PARP14: variants seen among roughly 807,000 people sequenced by gnomAD.
PARP14 encodes the protein poly(ADP-ribose) polymerase family member 14, also known as protein mono-ADP-ribosyltransferase PARP14.
Under a neutral mutation model 154.2 loss-of-function variants are expected in PARP14, and 59 were observed. The observed-to-expected ratio is 0.38, with a 90% CI of 0.31 to 0.48. The LOEUF is 0.48. Ranked by LOEUF, PARP14 falls within the 20% of genes least tolerant of loss-of-function variation. PARP14 has a pLI of 0.98. For missense variants in PARP14, 1,734 were observed against 2,131.6 expected, an observed-to-expected ratio of 0.81 and a Z score of 3.67; for synonymous variants, 720 against 780.5, an observed-to-expected ratio of 0.92 and a Z score of 1.29.
chr3:122,712,559 CT>C (rs987062537), intron 9 of PARP14, among the ~76,000 whole-genome samples: 45 of 138,868 alleles, frequency 3.2e-4, no homozygotes, highest in Admixed American at 3.6e-4. Context: ...GGATTGACAT[CT>C]TTTTTTTTTT....
intron 1 of PARP14, 93 bp from the exon 2 acceptor site, chr3:122,685,092 T>C (rs1415801736): frequency 2.2e-6 from 3 of 1,393,586 alleles, no homozygotes; most frequent in African/African-American, 2.8e-5. Context: ...AAGCCATTGA[T>C]TGATGGTAAT....
At position 122,701,026 on chromosome 3, in the gene PARP14, T is replaced by C. The variant is rs1236164701; in HGVS notation, c.2472T>C (p.Asn824=). The part of the protein sequence containing the change: ...LPVDVVVNAS[N]EDLKHYGGLA... The stretch of plus-strand genomic sequence containing the variant: ...TCGATGTGGTGGTGAATGCATCTAA[T>C]GAGGACCTTAAGCATTATGGTGGCC... The change falls in exon 6 of 17, where the codon AAT becomes AAC. Residue 824 remains asparagine (N), a synonymous_variant. Transcript: ENST00000474629. The surrounding 1 kb of genome is among the most constrained non-coding windows in gnomAD (Gnocchi z 4.0). The C allele has an allele frequency of 1.3e-5, 21 of 1,613,892 alleles. No individual in the cohort carries two copies. The highest frequency in any genetic ancestry group is 1.7e-5 in the Non-Finnish European group (20 of 1,179,882).
Position 122,700,584 on chromosome 3 carries a change from T to C in PARP14, c.2030T>C (p.Val677Ala). The change falls in exon 6 of 17, where the codon GTA becomes GCA. Residue 677 changes from valine (V) to alanine (A), a missense_variant. By Grantham distance (64) the Val-to-Ala change is moderately conservative. Transcript: ENST00000474629. ...QNMKIERLVE[V>A]KPSLVIDYLK... ...ATGAAAATAGAGAGACTGGTTGAAG[T>C]AAAGCCTTCCTTAGTTATTGACTAT... The C allele has an allele frequency of 6.3e-7, 1 of 1,596,516 alleles. No individual in the cohort carries two copies. Among genetic ancestry groups the C allele is most frequent in the Non-Finnish European group, 8.5e-7 (1 of 1,170,724 alleles).
At chr3:122,690,960 AG>A (rs1422579321) in intron 3 of PARP14, among the ~76,000 whole-genome samples, 1 of 152,152 alleles carries the variant, frequency 6.6e-6, no homozygotes, top group Non-Finnish European at 1.5e-5. Context: ...GTGGTTTCCA[AG>A]GTCACTGCAA....
intron 4 of PARP14, among the ~76,000 whole-genome samples, chr3:122,693,604 C>G (rs1290021155): frequency 6.6e-6 from 1 of 152,102 alleles, no homozygotes; most frequent in African/African-American, 2.4e-5. Flanking sequence ...TTTGGGAGGC[C>G]AAGGCAGATG....
chr3:122,689,109 C>T (rs1320783894), intron 3 of PARP14, among the ~76,000 whole-genome samples: 2 of 152,162 alleles, frequency 1.3e-5, no homozygotes, highest in Non-Finnish European at 2.9e-5. Context: ...GCCTGGACTC[C>T]TCTCTCAATT....
At position 122,680,864 on chromosome 3, in the gene PARP14, GGCGGAGA is replaced by G; in HGVS notation, c.-13_-7del. The G allele has an allele frequency of 1.9e-6, 3 of 1,580,360 alleles. 1 individual carries two copies. In the South Asian group the frequency reaches 3.4e-5, roughly 18 times the overall value. On this transcript the variant is annotated 5_prime_UTR_variant, in exon 1 of 17. Coordinates refer to ENST00000474629, the MANE Select transcript of PARP14 (RefSeq NM_017554.3). Reference sequence around the variant, plus strand: ...GGAGTTGGCGCGGCCCCTGCAGTCCGGCGGAGAGCGGAGCTGAGGATGGCTGTGCCCG... The same window carrying G: ...GGAGTTGGCGCGGCCCCTGCAGTCCGGCGGAGCTGAGGATGGCTGTGCCCG...
intron 4 of PARP14, among the ~76,000 whole-genome samples, chr3:122,693,383 A>G (rs563754477): frequency 8.4e-4 from 128 of 152,322 alleles, no homozygotes; most frequent in African/African-American, 3.0e-3. Flanking sequence ...TTAAGAGCAC[A>G]GGTCATGGAG....
chr3:122,686,777 T>C (rs1938388762), intron 2 of PARP14: 2 of 281,604 alleles, frequency 7.1e-6, no homozygotes, highest in Non-Finnish European at 1.3e-5. Context: ...TCAATAAATA[T>C]TAAACAAGGG....
intron 3 of PARP14, among the ~76,000 whole-genome samples, 185 bp downstream of exon 3, chr3:122,687,298 G>A (rs577185500): frequency 9.9e-4 from 151 of 152,300 alleles, no homozygotes; most frequent in African/African-American, 3.1e-3. Flanking sequence ...GGCTTTTAGC[G>A]CTCAGGTCAT....
In PARP14 at chr3:122,680,937, C is replaced by A. The variant is rs1048266877; in HGVS notation, c.54C>A (p.Asp18Glu). 6 of 1,612,680 alleles carry A rather than the reference C, an allele frequency of 3.7e-6. No homozygotes were observed. The East Asian group carries it at 1.1e-4, about 30-fold the overall frequency. The change falls in exon 1 of 17, where the codon GAC (aspartate) becomes GAA (glutamate). Residue 18 changes from aspartate to glutamate, a missense_variant. Physicochemically the swap from Asp to Glu is conservative, Grantham distance 45. Transcript: ENST00000474629. ...PLLVEGSWGP[D>E]PPKNLNTKLQ... Reference sequence around the variant, plus strand: ...TGGTCGAGGGCTCCTGGGGCCCCGACCCCCCGAAGAACTTGAACACCAAGT... The same window carrying A: ...TGGTCGAGGGCTCCTGGGGCCCCGAACCCCCGAAGAACTTGAACACCAAGT...
At chr3:122,716,829 A>G (rs1328003985) in intron 12 of PARP14, among the ~76,000 whole-genome samples, 1 of 152,152 alleles carries the variant, frequency 6.6e-6, no homozygotes, top group Non-Finnish European at 1.5e-5. Context: ...ACATATACCC[A>G]TTACATAGTT....
chr3:122,708,209 C>T lies in PARP14; in HGVS notation c.3560C>T (p.Ala1187Val), dbSNP rs867280720. 1 of 1,565,256 alleles carries T rather than the reference C, an allele frequency of 6.4e-7. No homozygotes were observed. The highest frequency in any genetic ancestry group is 2.3e-5 in the East Asian group (1 of 43,496). Residue 1187 changes from alanine to valine, a missense_variant, in exon 9 of 17, where the codon GCC (alanine) becomes GTC (valine). This residue lies in a region of PARP14 where 1,646 missense variants were observed against 1,976.0 expected (regional missense o/e 0.83). Transcript: ENST00000474629. ...ENIQAFSDEF[A>V]RRANGNLVSD... Reference sequence around the variant, plus strand: ...TTTCAGGCATTTTCAGATGAATTTGCCAGAAGGGCTAATGGAAATCTCGTC... The same window carrying T: ...TTTCAGGCATTTTCAGATGAATTTGTCAGAAGGGCTAATGGAAATCTCGTC...
chr3:122,716,346 C>T (rs1224097524), intron 12 of PARP14, among the ~76,000 whole-genome samples: 4 of 152,172 alleles, frequency 2.6e-5, no homozygotes, highest in Admixed American at 6.5e-5. Flanking sequence ...TGACTCTACC[C>T]TCTTCGTCAC....
intron 3 of PARP14, among the ~76,000 whole-genome samples, chr3:122,687,452 G>A (rs1938408224): frequency 6.6e-6 from 1 of 152,236 alleles, no homozygotes; most frequent in Non-Finnish European, 1.5e-5. Context: ...GACACGATAT[G>A]TCCAAGGGAG....
intron 1 of PARP14, among the ~76,000 whole-genome samples, chr3:122,682,219 T>C (rs1938231830): frequency 6.6e-6 from 1 of 152,226 alleles, no homozygotes; most frequent in Admixed American, 6.5e-5. Context: ...GTCATTTCTC[T>C]TTTGGGTGTC....
chr3:122,717,651 A>ATTTTCAT (rs934975367), intron 12 of PARP14, among the ~76,000 whole-genome samples: 2 of 152,212 alleles, frequency 1.3e-5, no homozygotes, highest in Non-Finnish European at 2.9e-5. Flanking sequence ...CCTAAAAAAG[A>ATTTTCAT]TTTTCATCTT....
rs551852492 is a variant in PARP14, at chr3:122,686,968, T to C, written c.322-112T>C. 80 of 733,512 alleles carry C rather than the reference T, an allele frequency of 1.1e-4. 1 individual carries two copies. In the African/African-American group the frequency reaches 1.3e-3, roughly 12 times the overall value. The allele number at this position is 733,512 out of a possible 1,614,324, so 45.4% of individuals were successfully genotyped here. The stretch of plus-strand genomic sequence containing the variant: ...ATTCAAGAGCACCCTTATCAGACCT[T>C]TTCATTATTGTTTCTATTTACCCTC... On this transcript the variant is annotated intron_variant, in intron 2 of 16. Transcript: ENST00000474629.
At position 122,727,822 on chromosome 3, in the gene PARP14, T is replaced by A. The variant is rs1389826973; in HGVS notation, c.4952T>A (p.Ile1651Asn). Reference sequence around the variant, plus strand: ...TTTATTAATTTGCAGATTGAGAGGATCCAGAATCCAGATCTCTGGAATAGC... The same window carrying A: ...TTTATTAATTTGCAGATTGAGAGGAACCAGAATCCAGATCTCTGGAATAGC... ...SHFRIEKIER[I>N]QNPDLWNSYQ... is the part of the protein sequence containing the mutation. Residue 1651 changes from isoleucine (I) to asparagine (N), a missense_variant, in exon 16 of 17, where the codon ATC becomes AAC. Physicochemically the swap from Ile to Asn is moderately radical, Grantham distance 149 (BLOSUM62 -3). This residue lies in a region of PARP14 where 1,646 missense variants were observed against 1,976.0 expected (regional missense o/e 0.83). Transcript: ENST00000474629. The A allele has an allele frequency of 6.2e-6, 10 of 1,603,748 alleles. No individual in the cohort carries two copies. The highest frequency in any genetic ancestry group is 8.5e-6 in the Non-Finnish European group (10 of 1,174,964).
Sources: allele counts gnomAD v4.1 joint callset (sites outside exome capture counted in the v4.1 genomes callset), GRCh38; gene constraint gnomAD v4.1.1; regional missense constraint gnomAD v4.1.1; non-coding constraint Gnocchi (gnomAD v3.1); transcripts MANE v1.5; gene names NCBI Gene and HGNC (gene_info 2026-07-23, HGNC 2026-07-21).